The following RBFOX1 variants were observed in gnomAD, a reference collection of about 807,000 sequenced individuals.
The protein encoded by RBFOX1 is RNA binding protein fox-1 homolog 1.
A neutral mutation model predicts 57.7 loss-of-function variants in RBFOX1; 8 were observed. The observed-to-expected ratio is 0.14, with a 90% CI of 0.08 to 0.25. RBFOX1 has a LOEUF of 0.25. Among genes scored for constraint, RBFOX1 ranks in the 10% least tolerant of loss-of-function variants. The pLI, the probability that RBFOX1 is intolerant of heterozygous loss-of-function variation, is 1.00. For synonymous variants in RBFOX1, 326 were observed against 222.4 expected (o/e 1.47, Z -4.15); for missense variants, 611 against 548.5 (o/e 1.11, Z -1.14).
At chr16:6,655,788 A>G (rs910384758) in intron 3 of RBFOX1, among the ~76,000 whole-genome samples, 1 of 152,306 alleles carries the variant, frequency 6.6e-6, no homozygotes, top group South Asian at 2.1e-4. Flanking sequence ...TTTCAAGTGT[A>G]CCATTATTGT....
chr16:6,934,636 C>G (rs960006117), intron 3 of RBFOX1, among the ~76,000 whole-genome samples: 10 of 152,144 alleles, frequency 6.6e-5, no homozygotes, highest in South Asian at 2.1e-4. Context: ...TGAAATTACT[C>G]AAGCACAGAA....
At chr16:6,242,650 A>ACACG (rs2097546085) in intron 1 of RBFOX1, among the ~76,000 whole-genome samples, 1 of 150,382 alleles carries the variant, frequency 6.6e-6, no homozygotes, top group Non-Finnish European at 1.5e-5. Flanking sequence ...ACACACACAC[A>ACACG]CACACACACA....
intron 3 of RBFOX1, among the ~76,000 whole-genome samples, chr16:6,690,318 G>T (rs1339715121): frequency 6.6e-6 from 1 of 152,012 alleles, no homozygotes; most frequent in African/African-American, 2.4e-5. Context: ...AGTGTGCTTA[G>T]AGTGATAACA....
At chr16:6,594,177 T>G (rs1365510855) in intron 2 of RBFOX1, among the ~76,000 whole-genome samples, 2 of 152,180 alleles carry the variant, frequency 1.3e-5, no homozygotes, top group Non-Finnish European at 2.9e-5. Context: ...ATCCTTTGTC[T>G]AGTAAGAGTG....
intron 4 of RBFOX1, among the ~76,000 whole-genome samples, chr16:7,262,065 G>A (rs1340849769): frequency 6.6e-6 from 1 of 152,084 alleles, no homozygotes; most frequent in African/African-American, 2.4e-5. Context: ...CCTTTTTGGA[G>A]GTTTCACTAT....
At chr16:7,360,354 G>T (rs2146557379) in intron 4 of RBFOX1, among the ~76,000 whole-genome samples, 1 of 152,294 alleles carries the variant, frequency 6.6e-6, no homozygotes, top group Non-Finnish European at 1.5e-5. Context: ...CAGAAATGGT[G>T]GCTCTGCTGC....
chr16:6,186,980 T>G (rs545615804), intron 1 of RBFOX1, among the ~76,000 whole-genome samples: 2 of 152,266 alleles, frequency 1.3e-5, no homozygotes, highest in East Asian at 3.9e-4. Context: ...ATCTCTTTAT[T>G]TGGGTATATT....
intron 1 of RBFOX1, among the ~76,000 whole-genome samples, chr16:5,381,321 C>G (rs770540146): frequency 6.6e-6 from 1 of 152,180 alleles, no homozygotes; most frequent in African/African-American, 2.4e-5. Context: ...GCTACAGTGA[C>G]GACAATACAA....
intron 2 of RBFOX1, among the ~76,000 whole-genome samples, chr16:6,596,159 T>G (rs2097774936): frequency 6.6e-6 from 1 of 152,134 alleles, no homozygotes; most frequent in African/African-American, 2.4e-5. Context: ...CTTATTCTTT[T>G]GGTGTCATTT....
chr16:7,187,836 C>G (rs1315651748), intron 4 of RBFOX1, among the ~76,000 whole-genome samples: 2 of 150,588 alleles, frequency 1.3e-5, no homozygotes, highest in Non-Finnish European at 1.5e-5. Flanking sequence ...ACCTAAATTT[C>G]TGACATAGAA....
At chr16:7,663,125 A>T (rs750409307) in intron 12 of RBFOX1, among the ~76,000 whole-genome samples, 2 of 152,336 alleles carry the variant, frequency 1.3e-5, no homozygotes, top group African/African-American at 2.4e-5. Context: ...CCCAAACTAA[A>T]TATCTGTTGC....
chr16:6,893,973 C>G (rs1051364627), intron 3 of RBFOX1, among the ~76,000 whole-genome samples: 21 of 152,100 alleles, frequency 1.4e-4, no homozygotes, highest in African/African-American at 5.1e-4. Flanking sequence ...GCTATGATGT[C>G]TTCTAATATC....
In RBFOX1 at chr16:6,189,594, G is replaced by A. The variant is rs1260220598; in HGVS notation, c.-126-127401G>A. On this transcript the variant is annotated intron_variant, in intron 1 of 15. Transcript: ENST00000550418. ...GTCCCACCTGCTCTCGTTGTTGGGG[G>A]CATTTTAACTCATCACCTGATGCTA... 3.3e-5 allele frequency among the ~76,000 whole-genome samples: 5 copies of A among 152,162 alleles called. No homozygotes were observed. The South Asian group carries it at 6.2e-4, about 19-fold the overall frequency.
intron 4 of RBFOX1, among the ~76,000 whole-genome samples, chr16:7,399,785 C>T (rs1474656782): frequency 6.6e-6 from 1 of 152,192 alleles, no homozygotes; most frequent in Non-Finnish European, 1.5e-5. Context: ...CAAATAAGGT[C>T]ATAGTCACAG....
intron 1 of RBFOX1, among the ~76,000 whole-genome samples, chr16:6,057,825 GTT>G (rs34335596): frequency 2.5e-3 from 201 of 81,098 alleles, no homozygotes; most frequent in African/African-American, 1.0e-2. Flanking sequence ...TTTGCTATGG[GTT>G]TTTTTTTTTT....
chr16:5,854,123 C>T (rs1029194686), intron 3 of RBFOX1, among the ~76,000 whole-genome samples: 22 of 152,202 alleles, frequency 1.4e-4, no homozygotes, highest in African/African-American at 5.3e-4. Flanking sequence ...TTGGGAAACG[C>T]TTACCACAAT....
chr16:6,645,647 G>A (rs1323267872), intron 2 of RBFOX1, among the ~76,000 whole-genome samples: 1 of 152,108 alleles, frequency 6.6e-6, no homozygotes, highest in Non-Finnish European at 1.5e-5. Context: ...AGAACCTAGA[G>A]GCCTTGGAAG....
At chr16:6,006,197 C>G (rs771164173) in intron 4 of RBFOX1, among the ~76,000 whole-genome samples, 2 of 152,200 alleles carry the variant, frequency 1.3e-5, no homozygotes, top group African/African-American at 2.4e-5. Context: ...GAAATCACCT[C>G]TCCTCCCTTC....
downstream of RBFOX1, among the ~76,000 whole-genome samples, chr16:5,604,163 C>A (rs1056678121): frequency 1.3e-5 from 2 of 152,170 alleles, no homozygotes; most frequent in Non-Finnish European, 2.9e-5. Flanking sequence ...AGCCATATTT[C>A]AAAACCCCTG....
Sources: allele counts gnomAD v4.1 joint callset (sites outside exome capture counted in the v4.1 genomes callset), GRCh38; gene constraint gnomAD v4.1.1; transcripts MANE v1.5; gene names NCBI Gene and HGNC (gene_info 2026-07-23, HGNC 2026-07-21).